Variants in HS6ST3 observed in about 807,000 individuals in gnomAD.
HS6ST3 encodes heparan sulfate 6-O-sulfotransferase 3, also known as heparan-sulfate 6-O-sulfotransferase 3.
Under a neutral mutation model 36.7 loss-of-function variants are expected in HS6ST3, and 12 were observed. The observed-to-expected ratio is 0.33, with a 90% CI of 0.21 to 0.53. The LOEUF (loss-of-function observed/expected upper bound fraction) is 0.53, where lower values mean the gene tolerates loss of function less well. Ranked by LOEUF, HS6ST3 falls within the 20% of genes least tolerant of loss-of-function variation. The pLI, the probability that HS6ST3 is intolerant of heterozygous loss-of-function variation, is 0.95. For missense variants in HS6ST3, 584 were observed against 640.9 expected (o/e 0.91, Z 0.96); for synonymous variants, 240 against 257.5 (o/e 0.93, Z 0.65).
chr13:96,587,896 GT>G (rs2056367765), intron 1 of HS6ST3, among the ~76,000 whole-genome samples: 1 of 152,098 alleles, frequency 6.6e-6, no homozygotes, highest in African/African-American at 2.4e-5. Context: ...ACAGGATATC[GT>G]TTCATTTGTT....
At chr13:96,306,465 C>G (rs1209444032) in intron 1 of HS6ST3, among the ~76,000 whole-genome samples, 1 of 152,160 alleles carries the variant, frequency 6.6e-6, no homozygotes, top group African/African-American at 2.4e-5. Flanking sequence ...TCTGCCTTCG[C>G]CTCCCAAAGT....
At chr13:96,779,256 C>T (rs1373218532) in intron 1 of HS6ST3, among the ~76,000 whole-genome samples, 1 of 151,752 alleles carries the variant, frequency 6.6e-6, no homozygotes, top group Non-Finnish European at 1.5e-5. Context: ...TACCATGGCA[C>T]ATGTATACCT....
At chr13:96,397,764 C>A (rs1289408025) in intron 1 of HS6ST3, among the ~76,000 whole-genome samples, 2 of 152,172 alleles carry the variant, frequency 1.3e-5, no homozygotes, top group South Asian at 2.1e-4. Context: ...ACAGAACTTA[C>A]AACAGAACAG....
At chr13:96,474,973 T>C (rs1407055918) in intron 1 of HS6ST3, among the ~76,000 whole-genome samples, 3 of 152,192 alleles carry the variant, frequency 2.0e-5, no homozygotes, top group African/African-American at 7.2e-5. Flanking sequence ...TTGAAGCATG[T>C]TATCTTATGG....
chr13:96,580,140 TA>T (rs1267064634), intron 1 of HS6ST3, among the ~76,000 whole-genome samples: 10 of 150,742 alleles, frequency 6.6e-5, no homozygotes, highest in Non-Finnish European at 1.0e-4. Context: ...GACTGAGGAA[TA>T]TTTTTTTTCT....
intron 1 of HS6ST3, among the ~76,000 whole-genome samples, chr13:96,200,094 A>G (rs2054333832): frequency 6.6e-6 from 1 of 152,220 alleles, no homozygotes; most frequent in Non-Finnish European, 1.5e-5. Flanking sequence ...CTTACGATAA[A>G]GTATCAGAAC....
At chr13:96,747,840 G>T (rs1876599915) in intron 1 of HS6ST3, among the ~76,000 whole-genome samples, 1 of 151,990 alleles carries the variant, frequency 6.6e-6, no homozygotes, top group Non-Finnish European at 1.5e-5. Context: ...AAATGATGAT[G>T]CTAGGGTGTT....
chr13:96,319,825 A>G (rs2054994873), intron 1 of HS6ST3, among the ~76,000 whole-genome samples: 1 of 152,214 alleles, frequency 6.6e-6, no homozygotes, highest in African/African-American at 2.4e-5. Context: ...AAAGCACTTG[A>G]GAACAATCTT....
intron 1 of HS6ST3, among the ~76,000 whole-genome samples, chr13:96,390,880 G>A (rs2055392007): frequency 6.6e-6 from 1 of 152,096 alleles, no homozygotes; most frequent in African/African-American, 2.4e-5. Context: ...ACATCACCAA[G>A]TTATTTTTCT....
chr13:96,739,792 C>T (rs1876389338), intron 1 of HS6ST3, among the ~76,000 whole-genome samples: 1 of 152,168 alleles, frequency 6.6e-6, no homozygotes, highest in Admixed American at 6.5e-5. Context: ...CATGTCACTC[C>T]TTGCTCAAAA....
intron 1 of HS6ST3, among the ~76,000 whole-genome samples, chr13:96,136,327 G>A (rs973848751): frequency 4.6e-5 from 7 of 152,076 alleles, no homozygotes; most frequent in Non-Finnish European, 1.0e-4. Context: ...TGGCTTCCAC[G>A]GGCTATATGG....
chr13:96,445,336 GTA>G (rs1401001797), intron 1 of HS6ST3, among the ~76,000 whole-genome samples: 1 of 152,018 alleles, frequency 6.6e-6, no homozygotes, highest in African/African-American at 2.4e-5. Flanking sequence ...TGTATCCAAG[GTA>G]TATGACAGCT....
intron 1 of HS6ST3, among the ~76,000 whole-genome samples, chr13:96,760,810 G>A (rs1020714272): frequency 6.6e-6 from 1 of 151,978 alleles, no homozygotes; most frequent in African/African-American, 2.4e-5. Flanking sequence ...TTATCAAGAG[G>A]TTTTTTCTGC....
chr13:96,454,331 G>C (rs2055744443), intron 1 of HS6ST3, among the ~76,000 whole-genome samples: 3 of 152,156 alleles, frequency 2.0e-5, no homozygotes, highest in African/African-American at 7.2e-5. Flanking sequence ...TTCAATGTGA[G>C]TATGAGAGTG....
intron 1 of HS6ST3, among the ~76,000 whole-genome samples, chr13:96,278,764 GTTATCTAACC>G (rs1252274482): frequency 1.3e-5 from 2 of 152,114 alleles, no homozygotes; most frequent in Non-Finnish European, 2.9e-5. Context: ...TAAGTAATGG[GTTATCTAACC>G]TTATTCAAGG....
At position 96,767,744 on chromosome 13, in the gene HS6ST3, G is replaced by A. The variant is rs142646236; in HGVS notation, c.708-64746G>A. 8.9e-4 allele frequency among the ~76,000 whole-genome samples: 136 copies of A among 152,276 alleles called. 2 individuals carry two copies. The highest frequency in any genetic ancestry group is 3.1e-3 in the African/African-American group (127 of 41,556). On this transcript the variant is annotated intron_variant, in intron 1 of 1. Coordinates refer to ENST00000376705, the MANE Select transcript of HS6ST3 (RefSeq NM_153456.4). The stretch of plus-strand genomic sequence containing the variant: ...AATTAGACTGGGGACTGAAGAATGC[G>A]GACTGTGGTGCAAAGCCTGCATAGT...
intron 1 of HS6ST3, among the ~76,000 whole-genome samples, chr13:96,205,691 T>A (rs751384410): frequency 6.6e-6 from 1 of 152,240 alleles, no homozygotes; most frequent in Non-Finnish European, 1.5e-5. Flanking sequence ...TCAATAAATG[T>A]GACTCATCAT....
intron 1 of HS6ST3, among the ~76,000 whole-genome samples, chr13:96,227,488 A>G (rs533775779): frequency 6.6e-6 from 1 of 152,250 alleles, no homozygotes; most frequent in South Asian, 2.1e-4. Flanking sequence ...TGATCAAAGA[A>G]CCTCTGTACT....
chr13:96,522,057 T>C (rs887292069), intron 1 of HS6ST3, among the ~76,000 whole-genome samples: 1 of 152,224 alleles, frequency 6.6e-6, no homozygotes, highest in African/African-American at 2.4e-5. Flanking sequence ...TGTGTCTTTG[T>C]TCTCATTGGT....
Sources: allele counts gnomAD v4.1 joint callset (sites outside exome capture counted in the v4.1 genomes callset), GRCh38; gene constraint gnomAD v4.1.1; transcripts MANE v1.5; gene names NCBI Gene and HGNC (gene_info 2026-07-23, HGNC 2026-07-21).